Variants in CDH13 observed in about 807,000 individuals in gnomAD.
CDH13 encodes cadherin-13.
CDH13 carries 24 observed loss-of-function variants against 63.8 expected under a neutral mutation model. That is an observed-to-expected ratio of 0.38 (90% CI 0.27 to 0.53). The LOEUF is 0.53. Ranked by LOEUF, CDH13 falls within the 20% of genes least tolerant of loss-of-function variation. The pLI, the probability that CDH13 is intolerant of heterozygous loss-of-function variation, is 0.85. For missense variants in CDH13, 1,049 were observed against 903.1 expected (o/e 1.16, Z -2.07); for synonymous variants, 503 against 355.3 (o/e 1.42, Z -4.67).
At chr16:83,399,805 C>T (rs564316047) in intron 6 of CDH13, among the ~76,000 whole-genome samples, 26 of 152,240 alleles carry the variant, frequency 1.7e-4, no homozygotes, top group African/African-American at 5.8e-4. Flanking sequence ...CATTTTACCC[C>T]CCGCCGCATT....
At chr16:83,415,041 G>T (rs1220947355) in intron 6 of CDH13, among the ~76,000 whole-genome samples, 1 of 151,836 alleles carries the variant, frequency 6.6e-6, no homozygotes, top group African/African-American at 2.4e-5. Flanking sequence ...GGAAAAAAGA[G>T]AGAAGATTCA....
chr16:83,732,656 G>A (rs1055803104), intron 10 of CDH13, among the ~76,000 whole-genome samples: 5 of 152,278 alleles, frequency 3.3e-5, no homozygotes, highest in East Asian at 1.9e-4. Context: ...GTTCCCACAC[G>A]TAGAAACAGC....
At chr16:83,006,549 C>T (rs1389803758) in intron 2 of CDH13, among the ~76,000 whole-genome samples, 1 of 152,130 alleles carries the variant, frequency 6.6e-6, no homozygotes, top group Non-Finnish European at 1.5e-5. Context: ...TAACACCATT[C>T]TTGGTGGTGC....
chr16:82,809,845 A>G (rs2037352751), intron 1 of CDH13, among the ~76,000 whole-genome samples: 1 of 152,166 alleles, frequency 6.6e-6, no homozygotes, highest in South Asian at 2.1e-4. Context: ...GGACAGCAGT[A>G]AAAGAAGTGG....
intron 2 of CDH13, among the ~76,000 whole-genome samples, chr16:82,972,786 T>G (rs1567708526): frequency 6.6e-6 from 1 of 152,120 alleles, no homozygotes; most frequent in African/African-American, 2.4e-5. Context: ...TTACAACCAC[T>G]GAGAAAGAGC....
At chr16:82,926,654 C>T (rs751104431) in intron 2 of CDH13, among the ~76,000 whole-genome samples, 3 of 152,152 alleles carry the variant, frequency 2.0e-5, no homozygotes, top group African/African-American at 2.4e-5. Context: ...TTGAAGCTTT[C>T]GAGAAGACAG....
At chr16:83,301,763 T>G (rs1185912372) in intron 5 of CDH13, among the ~76,000 whole-genome samples, 2 of 152,184 alleles carry the variant, frequency 1.3e-5, no homozygotes, top group Admixed American at 6.5e-5. Flanking sequence ...TTCAAAAATT[T>G]ACATCATTTC....
chr16:82,664,621 T>C (rs1007782344), intron 1 of CDH13, among the ~76,000 whole-genome samples: 1 of 152,218 alleles, frequency 6.6e-6, no homozygotes, highest in African/African-American at 2.4e-5. Context: ...CCTGTGTGTT[T>C]CCTTAAAACA....
intron 6 of CDH13, among the ~76,000 whole-genome samples, chr16:83,355,551 G>T (rs543314583): frequency 6.6e-6 from 1 of 152,170 alleles, no homozygotes; most frequent in African/African-American, 2.4e-5. Context: ...CCTGAATCCC[G>T]ATAAACTGTT....
intron 1 of CDH13, among the ~76,000 whole-genome samples, chr16:82,733,883 T>C (rs2033531306): frequency 6.6e-6 from 1 of 152,256 alleles, no homozygotes; most frequent in African/African-American, 2.4e-5. Context: ...ACATAGCACC[T>C]ATCATGAACC....
chr16:83,698,423 C>G (rs530450425), intron 10 of CDH13, among the ~76,000 whole-genome samples: 17 of 152,340 alleles, frequency 1.1e-4, no homozygotes, highest in African/African-American at 3.8e-4. Context: ...GACTAGGCAC[C>G]GTTGGCTTTG....
chr16:82,842,590 C>A (rs1187482300), intron 1 of CDH13, among the ~76,000 whole-genome samples: 1 of 152,086 alleles, frequency 6.6e-6, no homozygotes, highest in African/African-American at 2.4e-5. Flanking sequence ...TCAGAAGTCC[C>A]CAACTTTTTG....
intron 5 of CDH13, among the ~76,000 whole-genome samples, chr16:83,283,446 C>T (rs939741208): frequency 2.6e-5 from 4 of 152,128 alleles, no homozygotes. Context: ...CAAAAATTAG[C>T]TGGGCGTGGT....
intron 4 of CDH13, among the ~76,000 whole-genome samples, chr16:83,141,616 C>A (rs1052861003): frequency 6.6e-6 from 1 of 152,104 alleles, no homozygotes; most frequent in Non-Finnish European, 1.5e-5. Flanking sequence ...CCATCATCTA[C>A]GTTTTAAGCC....
At chr16:83,194,748 A>G (rs1389111301) in intron 4 of CDH13, among the ~76,000 whole-genome samples, 1 of 152,194 alleles carries the variant, frequency 6.6e-6, no homozygotes, top group Non-Finnish European at 1.5e-5. Context: ...TACTTACCTG[A>G]CTTCCTAGTT....
At chr16:82,830,703 A>G (rs548820645) in intron 1 of CDH13, among the ~76,000 whole-genome samples, 2 of 152,286 alleles carry the variant, frequency 1.3e-5, no homozygotes, top group African/African-American at 4.8e-5. Context: ...CTAGCGCTTC[A>G]TAGCTGTATT....
chr16:83,334,361 T>TCACACACA (rs1208427532), intron 5 of CDH13, among the ~76,000 whole-genome samples: 18 of 85,612 alleles, frequency 2.1e-4, no homozygotes, highest in African/African-American at 7.9e-4. Context: ...TCTCTCTCTC[T>TCACACACA]CACACACACA....
chr16:83,762,032 A>G (rs1914015622), intron 11 of CDH13, among the ~76,000 whole-genome samples: 1 of 152,206 alleles, frequency 6.6e-6, no homozygotes, highest in Non-Finnish European at 1.5e-5. Context: ...ACTGCACTCC[A>G]GCCTGGGTGA....
chr16:82,817,508 T>C (rs2037779442), intron 1 of CDH13, among the ~76,000 whole-genome samples: 1 of 152,124 alleles, frequency 6.6e-6, no homozygotes, highest in African/African-American at 2.4e-5. Flanking sequence ...CACACATATA[T>C]ACATACAAAT....
Sources: allele counts gnomAD v4.1 joint callset (sites outside exome capture counted in the v4.1 genomes callset), GRCh38; gene constraint gnomAD v4.1.1; transcripts MANE v1.5; gene names NCBI Gene and HGNC (gene_info 2026-07-23, HGNC 2026-07-21).